Variants in MRPL36 observed in about 807,000 individuals in gnomAD.
MRPL36 encodes the protein large ribosomal subunit protein bL36m.
A neutral mutation model predicts 2.8 loss-of-function variants in MRPL36; 1 was observed. The observed-to-expected ratio is 0.36, with a 90% CI of 0.13 to 1.69. MRPL36 has a LOEUF of 1.69. Among genes scored for constraint, MRPL36 ranks in the 40% most tolerant of loss-of-function variants. The pLI is 0.35. For synonymous variants in MRPL36, 68 were observed against 54.8 expected, an observed-to-expected ratio of 1.24 and a Z score of -1.06; for missense variants, 148 against 132.7, an observed-to-expected ratio of 1.12 and a Z score of -0.57.
At chr5:1,800,972 G>C (rs568251218), upstream of MRPL36, among the ~76,000 whole-genome samples, 1 of 152,232 alleles carries the variant, frequency 6.6e-6, no homozygotes, top group South Asian at 2.1e-4. Context: ...CATGATTATC[G>C]GTTACCATAA....
At position 1,798,493 on chromosome 5, in the gene MRPL36, G is replaced by A. The variant is rs538970946; in HGVS notation, c.*131C>T. ...ACTCATTTACACTGAAACGTGATGG[G>A]TAACTTTTAGGGCGTTTGCTTCCAG... On this transcript the variant is annotated 3_prime_UTR_variant, in exon 2 of 2. Coordinates refer to ENST00000505059, the MANE Select transcript of MRPL36 (RefSeq NM_032479.4). 9 of 797,642 alleles carry A rather than the reference G, an allele frequency of 1.1e-5. No homozygotes were observed. The highest frequency in any genetic ancestry group is 1.7e-5 in the African/African-American group (1 of 57,658). 49.4% of individuals were successfully genotyped at this position (797,642 alleles called of 1,614,324 possible).
intron 1 of MRPL36, 174 bp from the exon 2 acceptor site, chr5:1,799,121 A>C (rs1341546580): frequency 1.8e-6 from 1 of 563,080 alleles, no homozygotes; most frequent in Non-Finnish European, 3.2e-6. Context: ...TTAATCAGCC[A>C]AGTGTGCCAG....
chr5:1,800,549 T>A (rs1439325021), upstream of MRPL36, among the ~76,000 whole-genome samples: 1 of 152,146 alleles, frequency 6.6e-6, no homozygotes, highest in Non-Finnish European at 1.5e-5. Flanking sequence ...ACCACCACGT[T>A]TGCTGGGACA....
chr5:1,799,068 T>A, intron 1 of MRPL36, 121 bp from the exon 2 acceptor site: 1 of 736,636 alleles, frequency 1.4e-6, no homozygotes, highest in Non-Finnish European at 2.2e-6. Context: ...ACTGAGGGTG[T>A]TCCCATACCA....
upstream of MRPL36, chr5:1,801,267 C>A: frequency 8.4e-7 from 1 of 1,190,232 alleles, no homozygotes; most frequent in Non-Finnish European, 1.1e-6. Flanking sequence ...CCACCTGAAT[C>A]AGAGAGCAGC....
Position 1,798,852 on chromosome 5 carries a change from T to A in MRPL36, c.84A>T (p.Thr28=). 1 of 1,613,608 alleles carries A rather than the reference T, an allele frequency of 6.2e-7. No homozygotes were observed. Among genetic ancestry groups the A allele is most frequent in the Non-Finnish European group, 8.5e-7 (1 of 1,179,764 alleles). Residue 28 remains threonine, a synonymous_variant, in exon 2 of 2, where the codon ACA becomes ACT. Transcript: ENST00000505059. ...RHTVKPRALS[T]FLFGSIRGAA... ...CACCTCGAATGGATCCAAATAGAAA[T>A]GTGGAGAGGGCTCGAGGCTTCACCG...
chr5:1,799,209 C>A (rs1733945434), intron 1 of MRPL36: 2 of 338,010 alleles, frequency 5.9e-6, no homozygotes, highest in South Asian at 6.1e-5. Flanking sequence ...CAAAGCCCTG[C>A]GATGTTGAGG....
upstream of MRPL36, chr5:1,801,335 G>T (rs539971044): frequency 1.1e-4 from 177 of 1,539,392 alleles, 1 homozygote; most frequent in South Asian, 1.9e-3. Context: ...AATAAATACC[G>T]GGTGTTTGGC....
upstream of MRPL36, chr5:1,801,430 A>G: frequency 2.5e-6 from 4 of 1,605,160 alleles, no homozygotes; most frequent in Non-Finnish European, 2.5e-6. Flanking sequence ...GGCGGCGGCG[A>G]TGACCTTCTG....
rs1733942529 is a variant in MRPL36 at position 1,799,112 on chromosome 5, T to C, written c.-12-165A>G. 9 of 579,518 alleles carry C rather than the reference T, an allele frequency of 1.6e-5. No homozygotes were observed. The South Asian group carries it at 2.2e-4, about 14-fold the overall frequency. 35.9% of individuals were successfully genotyped at this position (579,518 alleles called of 1,614,324 possible). On this transcript the variant is annotated intron_variant, in intron 1 of 1. Transcript: ENST00000505059. ...CTCGACCTGAGCTTGAACACTGCCTTAATCAGCCAAGTGTGCCAGGAGAAT... is the reference window on the plus strand; with the variant it reads ...CTCGACCTGAGCTTGAACACTGCCTCAATCAGCCAAGTGTGCCAGGAGAAT...
chr5:1,799,664 A>G (rs1733965651), intron 1 of MRPL36, 128 bp downstream of exon 1: 1 of 149,228 alleles, frequency 6.7e-6, no homozygotes, highest in Non-Finnish European at 1.5e-5. Context: ...GCCCCGGCCC[A>G]CGCTCCTCTG....
chr5:1,798,883 C>A lies in MRPL36; in HGVS notation c.53G>T (p.Arg18Leu). The change falls in exon 2 of 2, where the codon CGT becomes CTT. Residue 18 changes from arginine (R) to leucine (L), a missense_variant. By Grantham distance (102) the Arg-to-Leu change is moderately radical. Transcript: ENST00000505059. ...KMVNPLLYLSRHTVKPRALST... is the reference protein window; with the variant it reads ...KMVNPLLYLSLHTVKPRALST... ...GAGGGCTCGAGGCTTCACCGTGTGA[C>A]GACTGAGATAGAGCAGAGGGTTCAC... The A allele has an allele frequency of 6.2e-7, 1 of 1,611,874 alleles. No homozygotes were observed. The highest frequency in any genetic ancestry group is 8.5e-7 in the Non-Finnish European group (1 of 1,178,178).
At position 1,798,954 on chromosome 5, in the gene MRPL36, G is replaced by T. The variant is rs200908799; in HGVS notation, c.-12-7C>A. On this transcript the variant is annotated splice_region_variant and splice_polypyrimidine_tract_variant and intron_variant, in intron 1 of 1. Coordinates refer to ENST00000505059, the MANE Select transcript of MRPL36 (RefSeq NM_032479.4). ...TTGCCATGTTGTGGTGAATCTATGG[G>T]AGAGAGAAAAAAAGGAGTTATAGCT... 6.5e-7 allele frequency: 1 copy of T among 1,548,850 alleles called. No individual in the cohort carries two copies.
chr5:1,798,630 C>G lies in MRPL36; in HGVS notation c.306G>C (p.Gln102His). The G allele has an allele frequency of 1.2e-6, 2 of 1,607,482 alleles. No homozygotes were observed. The highest frequency in any genetic ancestry group is 8.5e-7 in the Non-Finnish European group (1 of 1,174,362). ...CKTHPRHKQR[Q>H]M ...GACTCTGGAGGGAAAGGGTCTACAT[C>G]TGTCTCTGCTTGTGCCTCGGATGGG... is the stretch of plus-strand genomic sequence containing the variant. Residue 102 changes from glutamine to histidine, a missense_variant, in exon 2 of 2, where the codon CAG becomes CAC. Transcript: ENST00000505059.
chr5:1,798,562 A>G lies in MRPL36; in HGVS notation c.*62T>C, dbSNP rs1304397068. On this transcript the variant is annotated 3_prime_UTR_variant, in exon 2 of 2. Transcript: ENST00000505059. Reference sequence around the variant, plus strand: ...TTGATGTGATAATTCCTTCCATAAGATACAACCATTCTCCCAAGTGATGCG... The same window carrying G: ...TTGATGTGATAATTCCTTCCATAAGGTACAACCATTCTCCCAAGTGATGCG... 1 of 1,505,860 alleles carries G rather than the reference A, an allele frequency of 6.6e-7. No individual in the cohort carries two copies. The highest frequency in any genetic ancestry group is 1.8e-5 in the Admixed American group (1 of 54,422). 93.3% of individuals were successfully genotyped at this position (1,505,860 alleles called of 1,614,324 possible). A position where few individuals can be genotyped will look rare whatever the true frequency, so the allele number is the denominator to read the frequency against.
At chr5:1,801,245 G>A (rs758451280), upstream of MRPL36, 21 of 963,172 alleles carry the variant, frequency 2.2e-5, no homozygotes, top group Non-Finnish European at 3.1e-5. Context: ...TACCTGGGAT[G>A]AAAACGGGTG....
chr5:1,799,232 G>C (rs1733946191), intron 1 of MRPL36: 2 of 297,842 alleles, frequency 6.7e-6, no homozygotes, highest in African/African-American at 4.3e-5. Context: ...CCGCTCACTT[G>C]GCTGGGAGGG....
At chr5:1,801,294 C>T (rs1165152513), upstream of MRPL36, 6 of 1,401,552 alleles carry the variant, frequency 4.3e-6, no homozygotes, top group African/African-American at 4.4e-5. Context: ...GCACCCTCTG[C>T]CCCGACCCGC....
chr5:1,800,561 C>T (rs1032634634), upstream of MRPL36, among the ~76,000 whole-genome samples: 13 of 152,192 alleles, frequency 8.5e-5, no homozygotes, highest in African/African-American at 3.1e-4. Context: ...GCTGGGACAT[C>T]TTTGGGACCG....
Sources: gnomAD v4.1 joint callset for allele counts (sites outside exome capture counted in the v4.1 genomes callset) on GRCh38, gnomAD v4.1.1 for gene constraint, MANE v1.5 for transcripts, NCBI Gene and HGNC (gene_info 2026-07-23, HGNC 2026-07-21) for gene names.